WNK1: variants seen among roughly 807,000 people sequenced by gnomAD.
WNK1 encodes serine/threonine-protein kinase WNK1.
In WNK1, 38 loss-of-function variants were observed where a neutral mutation model predicts 222.8. That is an observed-to-expected ratio of 0.17 (90% CI 0.13 to 0.22). The LOEUF (loss-of-function observed/expected upper bound fraction) is 0.22. Ranked by LOEUF, WNK1 falls within the 10% of genes least tolerant of loss-of-function variation. WNK1 has a pLI of 1.00. For missense variants in WNK1, 2,348 were observed against 2,918.4 expected (o/e 0.80, Z 4.50); for synonymous variants, 1,090 against 1,092.9 (o/e 1.00, Z 0.05).
intron 1 of WNK1, among the ~76,000 whole-genome samples, chr12:811,237 G>A (rs1003489759): frequency 6.6e-6 from 1 of 151,870 alleles, no homozygotes; most frequent in African/African-American, 2.4e-5. Flanking sequence ...ATTGACAGTT[G>A]GTAATATTTA....
chr12:891,399 G>A (rs111850351), intron 22 of WNK1, among the ~76,000 whole-genome samples: 10,442 of 152,172 alleles, frequency 0.069, 425 homozygotes, highest in African/African-American at 0.085. Context: ...CGGCCTCCCA[G>A]AGTGCTGGGA....
At chr12:890,249 G>A (rs562305357) in intron 21 of WNK1, among the ~76,000 whole-genome samples, 4 of 151,806 alleles carry the variant, frequency 2.6e-5, no homozygotes, top group Admixed American at 1.3e-4. Context: ...CACCATGCCT[G>A]GCCCTAAAAG....
rs770435085 is a variant in WNK1, at chr12:760,682, A to G, written c.759+6358A>G. Among the ~76,000 whole-genome samples the G allele has an allele frequency of 1.0e-4, 15 of 147,756 alleles. 2 individuals carry two copies. The Middle Eastern group carries it at 0.036, about 352-fold the overall frequency. ...CAGGGGAGCTTTTCAGTTTGAAGAA[A>G]CATTGTCAGAAGCTCTTAATATTTT... is the stretch of plus-strand genomic sequence containing the variant. On this transcript the variant is annotated intron_variant, in intron 1 of 27. Coordinates refer to ENST00000315939, the MANE Select transcript of WNK1 (RefSeq NM_018979.4).
At chr12:791,225 C>CCACACACACACA (rs141810227) in intron 1 of WNK1, among the ~76,000 whole-genome samples, 28 of 145,188 alleles carry the variant, frequency 1.9e-4, no homozygotes, top group East Asian at 6.0e-4. Context: ...ATTTCTCTCA[C>CCACACACACACA]CACACACACA....
At chr12:785,565 T>C (rs1944220580) in intron 1 of WNK1, among the ~76,000 whole-genome samples, 1 of 151,688 alleles carries the variant, frequency 6.6e-6, no homozygotes. Context: ...GCCCAGCTAA[T>C]TTTTTGTATT....
chr12:825,504 C>T (rs979886151), intron 2 of WNK1, among the ~76,000 whole-genome samples: 1 of 152,084 alleles, frequency 6.6e-6, no homozygotes, highest in Non-Finnish European at 1.5e-5. Flanking sequence ...GTTCTGTATG[C>T]TGTAATTTTC....
At chr12:792,924 G>T (rs1008444572) in intron 1 of WNK1, among the ~76,000 whole-genome samples, 7 of 151,910 alleles carry the variant, frequency 4.6e-5, no homozygotes, top group African/African-American at 1.7e-4. Flanking sequence ...ACACAACTTG[G>T]ATATAAATAC....
chr12:824,675 A>AAAGAG (rs138991294), intron 2 of WNK1, among the ~76,000 whole-genome samples: 19 of 151,316 alleles, frequency 1.3e-4, no homozygotes, highest in Non-Finnish European at 2.5e-4. Flanking sequence ...AGTTAAAAAA[A>AAAGAG]AGAGAGAAGT....
chr12:889,115 A>T, intron 20 of WNK1, 25 bp from the exon 21 acceptor site: 7 of 1,605,716 alleles, frequency 4.4e-6, no homozygotes, highest in Non-Finnish European at 6.0e-6. Flanking sequence ...ACGGAACTGT[A>T]TTTACTGTGA....
chr12:784,634 A>G (rs766324805), intron 1 of WNK1, among the ~76,000 whole-genome samples: 9 of 152,162 alleles, frequency 5.9e-5, no homozygotes, highest in South Asian at 2.1e-4. Context: ...ATTTATTACT[A>G]TTTTCCTGAA....
intron 4 of WNK1, among the ~76,000 whole-genome samples, chr12:844,464 G>A (rs1370205168): frequency 2.6e-5 from 4 of 152,082 alleles, no homozygotes; most frequent in South Asian, 2.1e-4. Context: ...AAGGAAAACC[G>A]GTAAATCAAG....
rs1939616640 is a variant in WNK1, at chr12:754,189, G to A, written c.624G>A (p.Glu208=). 1 of 1,613,600 alleles carries A rather than the reference G, an allele frequency of 6.2e-7. No individual in the cohort carries two copies. The highest frequency in any genetic ancestry group is 8.5e-7 in the Non-Finnish European group (1 of 1,180,056). ...SQQQDDIEEL[E]TKAVGMSNDG... ...AGCAGGATGATATCGAAGAGCTGGA[G>A]ACCAAGGCCGTGGGAATGTCTAACG... is the stretch of plus-strand genomic sequence containing the variant. Residue 208 remains glutamate (E), a synonymous_variant, in exon 1 of 28, where the codon GAG becomes GAA. Coordinates refer to ENST00000315939, the MANE Select transcript of WNK1 (RefSeq NM_018979.4).
chr12:816,744 G>A (rs1947377298), intron 2 of WNK1, among the ~76,000 whole-genome samples: 1 of 152,190 alleles, frequency 6.6e-6, no homozygotes, highest in African/African-American at 2.4e-5. Flanking sequence ...CTTGGTCAGT[G>A]TCCAGAGGCA....
At chr12:894,271 CACTT>C (rs1386160339) in intron 22 of WNK1, among the ~76,000 whole-genome samples, 1 of 152,152 alleles carries the variant, frequency 6.6e-6, no homozygotes, top group Admixed American at 6.5e-5. Flanking sequence ...TCCTTCATTT[CACTT>C]ACTTATATAT....
intron 26 of WNK1, among the ~76,000 whole-genome samples, chr12:905,987 T>C (rs530422571): frequency 5.2e-4 from 79 of 152,276 alleles, no homozygotes; most frequent in Non-Finnish European, 7.1e-4. Context: ...ACAGACCTGC[T>C]TGTGTGTGCC....
intron 20 of WNK1, 93 bp downstream of exon 20, chr12:887,397 A>T: frequency 7.7e-7 from 1 of 1,290,990 alleles, no homozygotes. Context: ...GCTTTTGCCT[A>T]TTTGTCTTTG....
intron 4 of WNK1, among the ~76,000 whole-genome samples, chr12:846,392 A>T (rs1225944172): frequency 1.3e-5 from 2 of 152,200 alleles, no homozygotes; most frequent in African/African-American, 4.8e-5. Context: ...CAATGATATC[A>T]ACTTTTTATA....
chr12:837,515 A>AC, intron 4 of WNK1, among the ~76,000 whole-genome samples: 1 of 150,634 alleles, frequency 6.6e-6, no homozygotes, highest in African/African-American at 2.4e-5. Context: ...CAGAGGTTGC[A>AC]GTGAGCCGAG....
At chr12:786,412 C>G (rs1248923633) in intron 1 of WNK1, among the ~76,000 whole-genome samples, 1 of 151,718 alleles carries the variant, frequency 6.6e-6, no homozygotes, top group Non-Finnish European at 1.5e-5. Flanking sequence ...TTAACACATT[C>G]CCTTTTTATA....
Sources: allele counts gnomAD v4.1 joint callset (sites outside exome capture counted in the v4.1 genomes callset), GRCh38; gene constraint gnomAD v4.1.1; transcripts MANE v1.5; gene names NCBI Gene and HGNC (gene_info 2026-07-23, HGNC 2026-07-21).